ALPK2: variants seen among roughly 807,000 people sequenced by gnomAD.
ALPK2 encodes alpha-protein kinase 2.
A neutral mutation model predicts 163.1 loss-of-function variants in ALPK2; 127 were observed. That is an observed-to-expected ratio of 0.78 (90% confidence interval 0.67 to 0.90). ALPK2 has a LOEUF of 0.90. Among genes scored for constraint, ALPK2 ranks in the 40% least tolerant of loss-of-function variants. The pLI, the probability that ALPK2 is intolerant of heterozygous loss-of-function variation, is 0.00. For synonymous variants in ALPK2, 953 were observed against 959.1 expected (o/e 0.99, Z 0.12); for missense variants, 2,360 against 2,589.6 (o/e 0.91, Z 1.92).
intron 11 of ALPK2, among the ~76,000 whole-genome samples, chr18:58,503,701 C>G (rs183419575): frequency 6.6e-6 from 1 of 152,008 alleles, no homozygotes; most frequent in Non-Finnish European, 1.5e-5. Flanking sequence ...CCTGTCCCCC[C>G]CTAGAATTTT....
chr18:58,609,862 T>G (rs1766849903), intron 2 of ALPK2, among the ~76,000 whole-genome samples: 1 of 152,216 alleles, frequency 6.6e-6, no homozygotes, highest in South Asian at 2.1e-4. Flanking sequence ...GGCTCTGCTC[T>G]GAAGACTCAA....
chr18:58,573,613 CTTTTTTTTTT>C lies in ALPK2; in HGVS notation c.1962+5191_1962+5200del, dbSNP rs778622176. Among the ~76,000 whole-genome samples the C allele has an allele frequency of 5.8e-5, 3 of 51,740 alleles. No homozygotes were observed. The East Asian group carries it at 2.9e-3, about 49-fold the overall frequency. 33.9% of individuals were successfully genotyped at this position (51,740 alleles called of 152,430 possible). On this transcript the variant is annotated intron_variant, in intron 4 of 12. Transcript: ENST00000361673. ...AGAGGCATGTTGCCATTTTTGTCTTCTTTTTTTTTTTTTTTTTTTTTTTTAGTATTTATTG... is the reference window on the plus strand; with the variant it reads ...AGAGGCATGTTGCCATTTTTGTCTTCTTTTTTTTTTTTTTAGTATTTATTG...
intron 12 of ALPK2, among the ~76,000 whole-genome samples, chr18:58,496,546 C>T (rs747902968): frequency 9.2e-5 from 14 of 152,164 alleles, no homozygotes; most frequent in Non-Finnish European, 1.8e-4. Context: ...AAGAGCGATC[C>T]CCTTCCTACT....
intron 6 of ALPK2, among the ~76,000 whole-genome samples, chr18:58,526,453 C>T (rs1389520087): frequency 6.6e-6 from 1 of 152,224 alleles, no homozygotes; most frequent in Non-Finnish European, 1.5e-5. Context: ...TCCTCATCCA[C>T]TGGTTCCCAG....
chr18:58,564,397 C>A (rs1346204490), intron 4 of ALPK2, among the ~76,000 whole-genome samples: 2 of 152,060 alleles, frequency 1.3e-5, no homozygotes, highest in Non-Finnish European at 2.9e-5. Flanking sequence ...GCTGGGATTA[C>A]AGGCATGACC....
At chr18:58,490,477 C>T (rs12457803) in intron 12 of ALPK2, among the ~76,000 whole-genome samples, 20,024 of 151,752 alleles carry the variant, frequency 0.13, 1,389 homozygotes, top group Non-Finnish European at 0.16. Flanking sequence ...TGAACAAAGT[C>T]CAGCCCCTCC....
rs140868694 is a variant in ALPK2, at chr18:58,536,672, G to A, written c.3515C>T (p.Thr1172Met). ...AAQEERNLVP[T>M]AHSPASSREG... ...CCTAGAGCTTGCGGGTGAGTGGGCC[G>A]TGGGCACCAAGTTTCTTTCCTCTTG... Residue 1172 changes from threonine to methionine, a missense_variant, in exon 5 of 13, where the codon ACG becomes ATG. Physicochemically the swap from Thr to Met is moderately conservative, Grantham distance 81. Transcript: ENST00000361673. 29 of 1,614,048 alleles carry A rather than the reference G, an allele frequency of 1.8e-5. No individual in the cohort carries two copies. The highest frequency in any genetic ancestry group is 5.3e-5 in the African/African-American group (4 of 74,908).
intron 10 of ALPK2, among the ~76,000 whole-genome samples, chr18:58,505,827 C>A (rs928453654): frequency 8.5e-5 from 13 of 152,170 alleles, no homozygotes; most frequent in Non-Finnish European, 1.6e-4. Flanking sequence ...CTCTTCTCGG[C>A]CCCCACCCCC....
rs977454621 is a variant in ALPK2, at chr18:58,535,329, C to T, written c.4858G>A (p.Asp1620Asn). 2.5e-6 allele frequency: 4 copies of T among 1,614,164 alleles called. No individual in the cohort carries two copies. The highest frequency in any genetic ancestry group is 2.5e-6 in the Non-Finnish European group (3 of 1,180,032). The change falls in exon 5 of 13, where the codon GAC (aspartate) becomes AAC (asparagine). Residue 1620 changes from aspartate to asparagine, a missense_variant. Transcript: ENST00000361673. The part of the protein sequence containing the change: ...CTSSPEGNVT[D>N]FLISHKMEEP... ...TCCATTTTGTGGCTTATCAAAAAGTCTGTGACATTTCCTTCAGGAGATGAA... is the reference window on the plus strand; with the variant it reads ...TCCATTTTGTGGCTTATCAAAAAGTTTGTGACATTTCCTTCAGGAGATGAA...
At chr18:58,627,346 C>G (rs1008366631) in intron 1 of ALPK2, among the ~76,000 whole-genome samples, 1 of 152,334 alleles carries the variant, frequency 6.6e-6, no homozygotes, top group East Asian at 1.9e-4. Flanking sequence ...GTAGGCCAGG[C>G]GCGGTGGCTC....
rs757230132 is a variant in ALPK2, at chr18:58,578,740, A to ACACGCGCGCACGCGCGCGCG, written c.1962+73_1962+74insCGCGCGCGCGTGCGCGCGTG. ...ATGTGAAGTAAAGGAAGAGACACAC[A>ACACGCGCGCACGCGCGCGCG]CACACACACACACACACACACACAC... On this transcript the variant is annotated intron_variant, in intron 4 of 12. Coordinates refer to ENST00000361673, the MANE Select transcript of ALPK2 (RefSeq NM_052947.4). 990 of 1,115,748 alleles carry ACACGCGCGCACGCGCGCGCG rather than the reference A, an allele frequency of 8.9e-4. 12 individuals are homozygous for ACACGCGCGCACGCGCGCGCG. Among genetic ancestry groups the ACACGCGCGCACGCGCGCGCG allele is most frequent in the Middle Eastern group, 1.8e-3 (7 of 3,890 alleles). The allele number at this position is 1,115,748 out of a possible 1,614,324, so 69.1% of individuals were successfully genotyped here.
At chr18:58,576,503 G>T (rs1476170619) in intron 4 of ALPK2, among the ~76,000 whole-genome samples, 1 of 152,162 alleles carries the variant, frequency 6.6e-6, no homozygotes. Flanking sequence ...AATGTCTTTT[G>T]AATTTGTTAT....
At chr18:58,509,372 G>A (rs999109733) in intron 10 of ALPK2, among the ~76,000 whole-genome samples, 8 of 152,110 alleles carry the variant, frequency 5.3e-5, no homozygotes, top group African/African-American at 1.9e-4. Flanking sequence ...ATAGCAGCAT[G>A]ATTTATAATC....
At chr18:58,627,485 A>T (rs1385497367) in intron 1 of ALPK2, among the ~76,000 whole-genome samples, 1 of 152,228 alleles carries the variant, frequency 6.6e-6, no homozygotes, top group South Asian at 2.1e-4. Flanking sequence ...TTAGCTGGGC[A>T]TGGTGGCAGG....
chr18:58,522,522 T>A (rs1002336971), intron 8 of ALPK2, among the ~76,000 whole-genome samples: 3 of 152,200 alleles, frequency 2.0e-5, no homozygotes, highest in Non-Finnish European at 4.4e-5. Flanking sequence ...GCAGCAGTGT[T>A]AGGCTGTGGC....
chr18:58,514,359 G>A (rs1337591315), intron 10 of ALPK2, among the ~76,000 whole-genome samples: 1 of 152,152 alleles, frequency 6.6e-6, no homozygotes, highest in African/African-American at 2.4e-5. Flanking sequence ...ACATGCACTA[G>A]CTAAGCCCTT....
At chr18:58,559,156 C>G (rs552130110) in intron 4 of ALPK2, among the ~76,000 whole-genome samples, 118 of 152,300 alleles carry the variant, frequency 7.7e-4, no homozygotes, top group African/African-American at 2.7e-3. Flanking sequence ...CAAAGCTAAT[C>G]AACGTGGGGT....
At chr18:58,504,172 G>A (rs113399920) in intron 10 of ALPK2, 24 bp from the exon 11 acceptor site, 49 of 1,585,456 alleles carry the variant, frequency 3.1e-5, no homozygotes, top group Admixed American at 1.3e-4. Flanking sequence ...GAACACAGGC[G>A]CACATCAAGG....
chr18:58,540,560 T>G (rs1039238568), intron 4 of ALPK2, among the ~76,000 whole-genome samples: 14 of 152,194 alleles, frequency 9.2e-5, no homozygotes, highest in Non-Finnish European at 2.9e-5. Context: ...TTCAGCCTTT[T>G]AAGAATATGC....
Sources: allele counts gnomAD v4.1 joint callset (sites outside exome capture counted in the v4.1 genomes callset), GRCh38; gene constraint gnomAD v4.1.1; transcripts MANE v1.5; gene names NCBI Gene and HGNC (gene_info 2026-07-23, HGNC 2026-07-21).